Variants in ADGRV1 observed in about 807,000 individuals in gnomAD.
ADGRV1 encodes the protein G-protein coupled receptor 98.
A neutral mutation model predicts 596.2 loss-of-function variants in ADGRV1; 359 were observed. The ratio of observed to expected loss-of-function variants is 0.60; its 90% CI spans 0.55 to 0.66. The LOEUF (loss-of-function observed/expected upper bound fraction) is 0.66. Among genes scored for constraint, ADGRV1 ranks in the 30% least tolerant of loss-of-function variants. ADGRV1 has a pLI of 0.00. For synonymous variants in ADGRV1, 2,681 were observed against 2,679.2 expected (o/e 1.00, Z -0.02); for missense variants, 7,274 against 7,575.6 (o/e 0.96, Z 1.48).
chr5:90,756,528 T>C lies in ADGRV1; in HGVS notation c.11655T>C (p.Ser3885=), dbSNP rs2149981576. ...TGAACCTGGTGAACTCTGACTTCTC[T>C]ACAGGACAGCCAAGTGTGCGGAGGC... ...TEVNLVNSDF[S]TGQPSVRRPG... The change falls in exon 56 of 90, where the codon TCT becomes TCC. Residue 3885 remains serine (S), a synonymous_variant. Transcript: ENST00000405460. The C allele has an allele frequency of 1.2e-6, 2 of 1,613,112 alleles. No homozygotes were observed. The highest frequency in any genetic ancestry group is 1.7e-6 in the Non-Finnish European group (2 of 1,179,210).
At chr5:90,974,127 G>A (rs1779330210) in intron 84 of ADGRV1, among the ~76,000 whole-genome samples, 1 of 152,032 alleles carries the variant, frequency 6.6e-6, no homozygotes, top group Admixed American at 6.6e-5. Context: ...AAATACCTAG[G>A]AATCCAACTT....
At chr5:90,698,822 C>T (rs1478886020) in intron 34 of ADGRV1, among the ~76,000 whole-genome samples, 1 of 151,974 alleles carries the variant, frequency 6.6e-6, no homozygotes, top group East Asian at 1.9e-4. Flanking sequence ...GCTGGAGAGG[C>T]AGGGAGAAAC....
chr5:90,944,251 AT>A (rs1197098506), intron 83 of ADGRV1, among the ~76,000 whole-genome samples: 1 of 152,048 alleles, frequency 6.6e-6, no homozygotes, highest in African/African-American at 2.4e-5. Context: ...TCTTTAAGGT[AT>A]TTTGCAGTTC....
intron 85 of ADGRV1, among the ~76,000 whole-genome samples, chr5:90,997,374 TCTC>T (rs1781506127): frequency 1.1e-5 from 1 of 94,086 alleles, no homozygotes; most frequent in African/African-American, 4.2e-5. Flanking sequence ...TCCCCTTTGC[TCTC>T]TCTTTTTCCT....
intron 20 of ADGRV1, chr5:90,655,459 TG>T (rs2149473239): frequency 6.6e-6 from 1 of 152,342 alleles, no homozygotes; most frequent in East Asian, 1.9e-4. Context: ...CTGTTTTGGT[TG>T]TTTTCTGTTC....
chr5:90,865,708 C>G (rs1433638825), intron 83 of ADGRV1, among the ~76,000 whole-genome samples: 2 of 152,004 alleles, frequency 1.3e-5, no homozygotes, highest in Non-Finnish European at 2.9e-5. Context: ...AATGCTTTAT[C>G]TACTTAGATT....
chr5:90,701,524 T>G (rs1324261734), intron 34 of ADGRV1, among the ~76,000 whole-genome samples: 1 of 151,980 alleles, frequency 6.6e-6, no homozygotes, highest in Non-Finnish European at 1.5e-5. Context: ...CTTACAAGAT[T>G]ATGTGTTTAA....
At chr5:90,948,921 C>T (rs1405356867) in intron 83 of ADGRV1, among the ~76,000 whole-genome samples, 1 of 151,892 alleles carries the variant, frequency 6.6e-6, no homozygotes, top group Non-Finnish European at 1.5e-5. Flanking sequence ...TAAGTCGGGG[C>T]CGTCTGTGTA....
chr5:90,589,171 C>T (rs562169004), intron 1 of ADGRV1, among the ~76,000 whole-genome samples: 7 of 152,068 alleles, frequency 4.6e-5, no homozygotes, highest in East Asian at 1.9e-4. Flanking sequence ...GTGTTCTGCA[C>T]GCTGGACACA....
chr5:91,086,838 A>G (rs1222719526), intron 86 of ADGRV1, among the ~76,000 whole-genome samples: 1 of 152,178 alleles, frequency 6.6e-6, no homozygotes, highest in South Asian at 2.1e-4. Context: ...AGTTTAAGCT[A>G]TGTGAATATG....
chr5:91,157,012 G>A (rs1484921945), intron 89 of ADGRV1, among the ~76,000 whole-genome samples: 2 of 152,194 alleles, frequency 1.3e-5, no homozygotes, highest in Admixed American at 6.5e-5. Flanking sequence ...CGAGCACAGC[G>A]CTGCTTGCTT....
At chr5:90,925,645 C>G (rs963388919) in intron 83 of ADGRV1, among the ~76,000 whole-genome samples, 4 of 148,372 alleles carry the variant, frequency 2.7e-5, no homozygotes, top group Non-Finnish European at 6.0e-5. Context: ...CCTAATTGCC[C>G]TGGCCAGAAC....
chr5:90,595,168 C>G (rs868099905), intron 1 of ADGRV1, among the ~76,000 whole-genome samples: 2 of 87,350 alleles, frequency 2.3e-5, no homozygotes, highest in East Asian at 3.4e-4. Context: ...GGGGGCTGAC[C>G]CCCCCACCTC....
chr5:90,593,937 A>G (rs1759884953), intron 1 of ADGRV1, among the ~76,000 whole-genome samples: 1 of 152,164 alleles, frequency 6.6e-6, no homozygotes, highest in Admixed American at 6.5e-5. Context: ...TTTAAATTGT[A>G]CAATTTGATC....
chr5:90,873,613 T>TG (rs1768922498), intron 83 of ADGRV1, among the ~76,000 whole-genome samples: 3 of 152,066 alleles, frequency 2.0e-5, no homozygotes, highest in Non-Finnish European at 4.4e-5. Context: ...AAGTATAGAT[T>TG]TCTTTACAAA....
chr5:90,821,332 A>C (rs995127422), intron 75 of ADGRV1, among the ~76,000 whole-genome samples: 1 of 150,992 alleles, frequency 6.6e-6, no homozygotes, highest in African/African-American at 2.4e-5. Context: ...TTTTTTTCAA[A>C]GTTTTCAACT....
At chr5:90,785,984 A>C (rs748755277) in intron 67 of ADGRV1, among the ~76,000 whole-genome samples, 12 of 152,362 alleles carry the variant, frequency 7.9e-5, no homozygotes, top group Non-Finnish European at 1.5e-4. Context: ...GACAGTAGCA[A>C]AAACTTGGAA....
intron 83 of ADGRV1, among the ~76,000 whole-genome samples, chr5:90,874,794 C>G (rs2150515250): frequency 6.6e-6 from 1 of 151,832 alleles, no homozygotes; most frequent in African/African-American, 2.4e-5. Context: ...GGAGGCGGAG[C>G]TTGCAGTGAG....
chr5:90,595,145 G>A (rs1250595059), intron 1 of ADGRV1, among the ~76,000 whole-genome samples: 11 of 116,682 alleles, frequency 9.4e-5, no homozygotes, highest in Non-Finnish European at 1.5e-4. Context: ...CGGACGGGGC[G>A]GCTGGCCGGG....
Sources: allele counts gnomAD v4.1 joint callset (sites outside exome capture counted in the v4.1 genomes callset), GRCh38; gene constraint gnomAD v4.1.1; transcripts MANE v1.5; gene names NCBI Gene and HGNC (gene_info 2026-07-23, HGNC 2026-07-21).